Variants in UTRN observed in about 807,000 individuals in gnomAD.
UTRN encodes the protein utrophin.
In UTRN, 283 loss-of-function variants were observed where a neutral mutation model predicts 463.9. That is an observed-to-expected ratio of 0.61 (90% CI 0.55 to 0.67). The LOEUF (loss-of-function observed/expected upper bound fraction) is 0.67, where lower values mean the gene tolerates loss of function less well. Among genes scored for constraint, UTRN ranks in the 30% least tolerant of loss-of-function variants. The pLI is 0.00. For synonymous variants in UTRN, 1,442 were observed against 1,431.5 expected, an observed-to-expected ratio of 1.01 and a Z score of -0.17; for missense variants, 3,922 against 4,084.3, an observed-to-expected ratio of 0.96 and a Z score of 1.08.
chr6:144,766,228 A>T lies in UTRN; in HGVS notation c.8496-5679A>T, dbSNP rs78212881. On this transcript the variant is annotated intron_variant, in intron 58 of 74. Coordinates refer to ENST00000367545, the MANE Select transcript of UTRN (RefSeq NM_007124.3). ...CTATATTCTAGTCTTGGGTGAAACA[A>T]GGACTGAAAAGATTATAAATTCCAA... 1.2e-3 allele frequency among the ~76,000 whole-genome samples: 177 copies of T among 152,240 alleles called. 1 individual carries two copies. The highest frequency in any genetic ancestry group is 1.2e-3 in the Non-Finnish European group (84 of 68,018).
intron 34 of UTRN, among the ~76,000 whole-genome samples, chr6:144,508,470 C>T (rs1030302245): frequency 6.6e-6 from 1 of 152,182 alleles, no homozygotes; most frequent in African/African-American, 2.4e-5. Context: ...CCTCACGGCA[C>T]AGTCCCTCAT....
Position 144,513,944 on chromosome 6 carries a change from C to T in UTRN, c.4980C>T (p.Asn1660=), listed in dbSNP as rs371785477. ...HQNQLEIFDG[N]VAHISTWLYQ... Reference sequence around the variant, plus strand: ...ACCAGCTAGAAATATTTGATGGGAACGTGGCTCACATAAGTACCTGGCTTT... The same window carrying T: ...ACCAGCTAGAAATATTTGATGGGAATGTGGCTCACATAAGTACCTGGCTTT... The change falls in exon 36 of 75, where the codon AAC becomes AAT. Residue 1660 remains asparagine (N), a synonymous_variant. Transcript: ENST00000367545. The T allele has an allele frequency of 8.1e-5, 130 of 1,613,750 alleles. No individual in the cohort carries two copies. Among genetic ancestry groups the T allele is most frequent in the Middle Eastern group, 3.3e-4 (2 of 6,080 alleles).
At chr6:144,319,664 C>G (rs940283843) in intron 2 of UTRN, among the ~76,000 whole-genome samples, 1 of 152,094 alleles carries the variant, frequency 6.6e-6, no homozygotes, top group Non-Finnish European at 1.5e-5. Flanking sequence ...ATCTCCTGGG[C>G]TCAAATGATC....
At chr6:144,807,897 TATAA>T (rs1778285209) in intron 65 of UTRN, among the ~76,000 whole-genome samples, 1 of 152,182 alleles carries the variant, frequency 6.6e-6, no homozygotes, top group Non-Finnish European at 1.5e-5. Flanking sequence ...TATCTGACTT[TATAA>T]ATACTAGTTA....
intron 14 of UTRN, among the ~76,000 whole-genome samples, chr6:144,446,117 A>G (rs556828444): frequency 2.6e-5 from 4 of 152,354 alleles, no homozygotes; most frequent in South Asian, 2.1e-4. Flanking sequence ...CTATCCAGTA[A>G]AGTAATTGCA....
At position 144,852,550 on chromosome 6, in the gene UTRN, AAAG is replaced by A. The variant is rs1164811316; in HGVS notation, c.*1559_*1561del. On this transcript the variant is annotated 3_prime_UTR_variant, in exon 75 of 75. Transcript: ENST00000367545. The stretch of plus-strand genomic sequence containing the variant: ...TCTATTTGCAGCAGAGATATTTTGA[AAAG>A]AAGAAAATTGTTTTATATAAAAAGG... 1 of 152,552 alleles carries A rather than the reference AAAG, an allele frequency of 6.6e-6. No homozygotes were observed. The highest frequency in any genetic ancestry group is 1.5e-5 in the Non-Finnish European group (1 of 68,020). The allele number at this position is 152,552 out of a possible 1,614,324, so 9.4% of individuals were successfully genotyped here.
chr6:144,521,343 A>G (rs1796074478), intron 39 of UTRN, among the ~76,000 whole-genome samples: 1 of 152,110 alleles, frequency 6.6e-6, no homozygotes, highest in Non-Finnish European at 1.5e-5. Context: ...GATCCAGAAA[A>G]TCTATATTAG....
chr6:144,707,644 A>G (rs1364065624), intron 53 of UTRN, among the ~76,000 whole-genome samples: 2 of 152,212 alleles, frequency 1.3e-5, no homozygotes, highest in Admixed American at 6.5e-5. Flanking sequence ...CTCAACCTAT[A>G]GTGTAAATCA....
intron 40 of UTRN, 84 bp from the exon 41 acceptor site, chr6:144,522,932 C>G (rs1400715577): frequency 2.8e-6 from 3 of 1,065,742 alleles, no homozygotes; most frequent in Non-Finnish European, 3.9e-6. Flanking sequence ...AATGAGTGTT[C>G]TACAATATAA....
At chr6:144,514,553 A>G in intron 36 of UTRN, 97 bp from the exon 37 acceptor site, 1 of 1,287,468 alleles carries the variant, frequency 7.8e-7, no homozygotes, top group Non-Finnish European at 1.1e-6. Context: ...GGGATCCCAG[A>G]TATTTATTTA....
At position 144,375,484 on chromosome 6, in the gene UTRN, C is replaced by G. The variant is rs541140078; in HGVS notation, c.80-27639C>G. Reference sequence around the variant, plus strand: ...TCTTTCCTTAAGCTTAAAGGGTGTTCTAATTTCATTATTATCAATCTCAAG... The same window carrying G: ...TCTTTCCTTAAGCTTAAAGGGTGTTGTAATTTCATTATTATCAATCTCAAG... On this transcript the variant is annotated intron_variant, in intron 2 of 74. Transcript: ENST00000367545. 1.1e-3 allele frequency among the ~76,000 whole-genome samples: 162 copies of G among 152,296 alleles called. 1 individual carries two copies. The highest frequency in any genetic ancestry group is 1.8e-3 in the Non-Finnish European group (123 of 68,022).
intron 23 of UTRN, among the ~76,000 whole-genome samples, chr6:144,463,766 T>C (rs1373774026): frequency 1.3e-5 from 2 of 151,830 alleles, no homozygotes; most frequent in African/African-American, 4.8e-5. Context: ...GAAATGAAAT[T>C]AGCAATAGGA....
At chr6:144,302,778 G>A (rs1305643021) in intron 2 of UTRN, among the ~76,000 whole-genome samples, 2 of 152,166 alleles carry the variant, frequency 1.3e-5, no homozygotes, top group Non-Finnish European at 2.9e-5. Context: ...GTAAGAGAGC[G>A]TGAAAGAGGC....
intron 65 of UTRN, among the ~76,000 whole-genome samples, chr6:144,819,254 G>T (rs1004979741): frequency 1.3e-5 from 2 of 152,174 alleles, no homozygotes; most frequent in Non-Finnish European, 2.9e-5. Context: ...TGCTTTGCAA[G>T]CCAAGAGAAT....
chr6:144,744,604 TACACAC>T (rs554895139), intron 54 of UTRN, among the ~76,000 whole-genome samples: 2 of 103,208 alleles, frequency 1.9e-5, no homozygotes, highest in Non-Finnish European at 3.4e-5. Flanking sequence ...TGACAGGGCA[TACACAC>T]ACACACACAC....
At chr6:144,345,714 T>C (rs1777507093) in intron 2 of UTRN, among the ~76,000 whole-genome samples, 1 of 152,086 alleles carries the variant, frequency 6.6e-6, no homozygotes, top group African/African-American at 2.4e-5. Context: ...TTGTGGCCTT[T>C]CGAAGATTTC....
chr6:144,654,982 G>C (rs1236806570), intron 51 of UTRN, among the ~76,000 whole-genome samples: 1 of 151,810 alleles, frequency 6.6e-6, no homozygotes, highest in Non-Finnish European at 1.5e-5. Flanking sequence ...GAATCTTTTG[G>C]TTATGTGTTA....
intron 2 of UTRN, among the ~76,000 whole-genome samples, chr6:144,363,214 A>G (rs1779227800): frequency 1.3e-5 from 2 of 152,258 alleles, no homozygotes; most frequent in South Asian, 4.1e-4. Context: ...CTTCTTTTCT[A>G]TGTGTTTTCT....
chr6:144,449,217 A>G (rs1200098621), intron 17 of UTRN, among the ~76,000 whole-genome samples: 1 of 152,154 alleles, frequency 6.6e-6, no homozygotes, highest in African/African-American at 2.4e-5. Flanking sequence ...AGACCCTTTT[A>G]TATCTTCTGT....
Sources: allele counts gnomAD v4.1 joint callset (sites outside exome capture counted in the v4.1 genomes callset), GRCh38; gene constraint gnomAD v4.1.1; transcripts MANE v1.5; gene names NCBI Gene and HGNC (gene_info 2026-07-23, HGNC 2026-07-21).